The following TYW1B variants were observed in gnomAD, a reference collection of about 807,000 sequenced individuals.
The protein encoded by TYW1B is tRNA-yW synthesizing protein 1 homolog B.
TYW1B carries 73 observed loss-of-function variants against 86.9 expected under a neutral mutation model. That is an observed-to-expected ratio of 0.84 (90% CI 0.70 to 1.02). The LOEUF (loss-of-function observed/expected upper bound fraction) is 1.02. TYW1B is among the 50% of genes least tolerant of loss of function. TYW1B has a pLI of 0.00. For synonymous variants in TYW1B, 248 were observed against 292.8 expected, an observed-to-expected ratio of 0.85 and a Z score of 1.56; for missense variants, 637 against 827.4, an observed-to-expected ratio of 0.77 and a Z score of 2.82.
At chr7:72,641,341 CA>C (rs1177923020) in intron 11 of TYW1B, among the ~76,000 whole-genome samples, 2 of 151,462 alleles carry the variant, frequency 1.3e-5, no homozygotes, top group African/African-American at 2.4e-5. Flanking sequence ...CAAACTCTTC[CA>C]AAAAAAATAG....
intron 13 of TYW1B, among the ~76,000 whole-genome samples, chr7:72,610,713 G>A (rs1419424617): frequency 6.6e-6 from 1 of 152,232 alleles, no homozygotes; most frequent in Non-Finnish European, 1.5e-5. Flanking sequence ...CTGGACTCAA[G>A]TGAGTCTCCC....
intron 13 of TYW1B, among the ~76,000 whole-genome samples, chr7:72,599,419 T>C (rs545987971): frequency 6.6e-6 from 1 of 152,158 alleles, no homozygotes; most frequent in Non-Finnish European, 1.5e-5. Flanking sequence ...CCAAAAAGCC[T>C]TCCGCTAAGA....
chr7:72,672,718 G>A (rs1434322059), intron 11 of TYW1B, among the ~76,000 whole-genome samples: 1 of 152,094 alleles, frequency 6.6e-6, no homozygotes, highest in Non-Finnish European at 1.5e-5. Flanking sequence ...TGGGGGTCCT[G>A]GAACCAATCC....
chr7:72,803,511 G>C (rs1585995714), intron 5 of TYW1B, among the ~76,000 whole-genome samples: 1 of 152,280 alleles, frequency 6.6e-6, no homozygotes, highest in East Asian at 1.9e-4. Context: ...TCATAGATGA[G>C]GAAATTAAAG....
At chr7:72,684,108 T>C (rs1334745908) in intron 11 of TYW1B, among the ~76,000 whole-genome samples, 2 of 152,152 alleles carry the variant, frequency 1.3e-5, no homozygotes, top group Non-Finnish European at 2.9e-5. Context: ...GTGTAATGTA[T>C]GTGTAACAGG....
chr7:72,658,217 C>T (rs1212764729), intron 11 of TYW1B, among the ~76,000 whole-genome samples: 2 of 151,684 alleles, frequency 1.3e-5, no homozygotes, highest in Non-Finnish European at 2.9e-5. Context: ...CGCCACTGCG[C>T]TCCAGCCTGG....
chr7:72,793,416 C>T (rs115185096), intron 6 of TYW1B, among the ~76,000 whole-genome samples: 1,902 of 151,968 alleles, frequency 0.013, 39 homozygotes, highest in African/African-American at 0.043. Flanking sequence ...TAAAAATTTT[C>T]GAAGAAATAT....
intron 2 of TYW1B, among the ~76,000 whole-genome samples, chr7:72,817,424 G>T (rs1435208214): frequency 6.6e-6 from 1 of 151,930 alleles, no homozygotes; most frequent in Non-Finnish European, 1.5e-5. Flanking sequence ...AAAGAAAAAA[G>T]GTATTTGGGG....
intron 7 of TYW1B, among the ~76,000 whole-genome samples, chr7:72,758,208 A>C: frequency 6.6e-6 from 1 of 152,060 alleles, no homozygotes; most frequent in African/African-American, 2.4e-5. Context: ...TGACAAAGGA[A>C]GACTCTCTAA....
intron 3 of TYW1B, among the ~76,000 whole-genome samples, chr7:72,814,690 A>T (rs1159669646): frequency 1.3e-5 from 2 of 151,864 alleles, no homozygotes; most frequent in Non-Finnish European, 2.9e-5. Context: ...TGAGCCCGGG[A>T]GGTTGAAATT....
chr7:72,642,365 CT>C (rs1309502825), intron 11 of TYW1B, among the ~76,000 whole-genome samples: 4 of 152,172 alleles, frequency 2.6e-5, no homozygotes, highest in Non-Finnish European at 5.9e-5. Flanking sequence ...AAAGTTAAAA[CT>C]TTTTGTGCTT....
intron 6 of TYW1B, among the ~76,000 whole-genome samples, chr7:72,789,797 G>C (rs1788188834): frequency 6.6e-6 from 1 of 151,654 alleles, no homozygotes; most frequent in Non-Finnish European, 1.5e-5. Flanking sequence ...TTTATGATAA[G>C]CTTTACAAAA....
chr7:72,761,590 C>A (rs1387530182), intron 7 of TYW1B, among the ~76,000 whole-genome samples: 185 of 139,880 alleles, frequency 1.3e-3, no homozygotes, highest in South Asian at 1.9e-3. Flanking sequence ...GACCCTGTCT[C>A]AAAAAAAAAA....
intron 11 of TYW1B, among the ~76,000 whole-genome samples, chr7:72,660,502 A>G (rs1266821736): frequency 1.3e-5 from 2 of 152,216 alleles, no homozygotes; most frequent in African/African-American, 4.8e-5. Context: ...CCCTCACACC[A>G]GTCTCTACCA....
chr7:72,593,723 G>A (rs1317730692), intron 13 of TYW1B, among the ~76,000 whole-genome samples: 1 of 150,656 alleles, frequency 6.6e-6, no homozygotes, highest in East Asian at 2.0e-4. Flanking sequence ...TCGGGAGGCT[G>A]AGGCAGGAGA....
chr7:72,775,641 C>T (rs1364555524), intron 7 of TYW1B, among the ~76,000 whole-genome samples: 3 of 151,524 alleles, frequency 2.0e-5, no homozygotes, highest in Non-Finnish European at 4.4e-5. Context: ...TTCAGATATA[C>T]GAAAGCTGAA....
At chr7:72,735,766 A>G (rs1165619421) in intron 8 of TYW1B, among the ~76,000 whole-genome samples, 9 of 151,446 alleles carry the variant, frequency 5.9e-5, no homozygotes, top group Non-Finnish European at 1.3e-4. Flanking sequence ...GCTACTTGGG[A>G]GGCTGAGGGA....
At chr7:72,703,023 TA>T (rs1186289803) in intron 10 of TYW1B, among the ~76,000 whole-genome samples, 990 of 9,262 alleles carry the variant, frequency 0.11, 10 homozygotes, top group Non-Finnish European at 0.16. Context: ...TATATATATA[TA>T]TATTTTTTTT....
intron 10 of TYW1B, among the ~76,000 whole-genome samples, chr7:72,711,473 CTTTTTTTTTTT>C (rs59438928): frequency 1.4e-3 from 78 of 56,968 alleles, no homozygotes; most frequent in African/African-American, 4.1e-3. Flanking sequence ...CTCTTTAATT[CTTTTTTTTTTT>C]TTTTTTTTTT....
Sources: allele counts gnomAD v4.1 joint callset (sites outside exome capture counted in the v4.1 genomes callset), GRCh38; gene constraint gnomAD v4.1.1; transcripts MANE v1.5; gene names NCBI Gene and HGNC (gene_info 2026-07-23, HGNC 2026-07-21).